MGST2: variants seen among roughly 807,000 people sequenced by gnomAD.
MGST2 encodes microsomal glutathione S-transferase 2.
In MGST2, 9 loss-of-function variants were observed where a neutral mutation model predicts 16.6. The observed-to-expected ratio is 0.54, with a 90% CI of 0.33 to 0.95. The LOEUF is 0.95. MGST2 is among the 40% of genes least tolerant of loss of function. The pLI, the probability that MGST2 is intolerant of heterozygous loss-of-function variation, is 0.03. For synonymous variants in MGST2, 79 were observed against 68.0 expected (o/e 1.16, Z -0.79); for missense variants, 159 against 175.1 (o/e 0.91, Z 0.52).
chr4:139,736,044 G>A (rs929985336), intron 5 of MGST2, among the ~76,000 whole-genome samples: 5 of 152,152 alleles, frequency 3.3e-5, no homozygotes, highest in Non-Finnish European at 7.4e-5. Context: ...GCAGGAAAGA[G>A]TAAAAATAAA....
intron 5 of MGST2, among the ~76,000 whole-genome samples, chr4:139,734,562 A>G (rs1728852644): frequency 6.6e-6 from 1 of 152,226 alleles, no homozygotes; most frequent in African/African-American, 2.4e-5. Flanking sequence ...CCTATTTTAC[A>G]TATCTTCCCC....
intron 5 of MGST2, chr4:139,719,262 GTTTC>G (rs1579354038): frequency 1.3e-6 from 2 of 1,507,234 alleles, no homozygotes; most frequent in East Asian, 2.3e-5. Flanking sequence ...TCAACATCCT[GTTTC>G]TTTTTCACTT....
intron 5 of MGST2, chr4:139,719,141 G>A: frequency 1.6e-6 from 1 of 638,122 alleles, no homozygotes; most frequent in Non-Finnish European, 2.6e-6. Context: ...GTGAAAATCA[G>A]GTGAAATGAG....
At chr4:139,709,076 T>A (rs1208250844), downstream of MGST2, among the ~76,000 whole-genome samples, 3 of 49,680 alleles carry the variant, frequency 6.0e-5, 1 homozygote, top group East Asian at 4.0e-4. Flanking sequence ...AAAAAATTTT[T>A]TTTTTTTTTT....
At chr4:139,706,322 C>G (rs746178615), downstream of MGST2, among the ~76,000 whole-genome samples, 1 of 152,144 alleles carries the variant, frequency 6.6e-6, no homozygotes, top group Non-Finnish European at 1.5e-5. Context: ...ACTCCAGAAC[C>G]AGACCACCCT....
At chr4:139,753,545 C>A in the MGST2 span, among the ~76,000 whole-genome samples, 1 of 152,060 alleles carries the variant, frequency 6.6e-6, no homozygotes, top group African/African-American at 2.4e-5. Context: ...CCTTTATAAC[C>A]TTGAGTCTAA....
At chr4:139,674,227 C>T (rs764835315) in intron 1 of MGST2, among the ~76,000 whole-genome samples, 12 of 152,186 alleles carry the variant, frequency 7.9e-5, no homozygotes, top group Non-Finnish European at 1.5e-4. Flanking sequence ...CATGAGACAT[C>T]AATTCATTTA....
chr4:139,737,273 C>G (rs1438676776), intron 5 of MGST2, among the ~76,000 whole-genome samples: 2 of 151,994 alleles, frequency 1.3e-5, no homozygotes, highest in Admixed American at 6.6e-5. Flanking sequence ...GCAAAACACT[C>G]TACTAGGGGC....
chr4:139,682,773 G>C (rs565768632), intron 2 of MGST2, among the ~76,000 whole-genome samples: 14 of 151,950 alleles, frequency 9.2e-5, no homozygotes, highest in African/African-American at 3.4e-4. Context: ...CCTTAGTTCA[G>C]CTAAAACTGG....
At chr4:139,669,616 G>C (rs1730561963) in intron 1 of MGST2, among the ~76,000 whole-genome samples, 2 of 152,240 alleles carry the variant, frequency 1.3e-5, no homozygotes, top group South Asian at 4.1e-4. Context: ...GAGAGGTAGA[G>C]ACAGGGTGAA....
rs946836520 is a variant in MGST2 at position 139,727,242 on chromosome 4, A to G, written c.*49-12970A>G. Among the ~76,000 whole-genome samples the G allele has an allele frequency of 5.9e-5, 9 of 152,348 alleles. No individual in the cohort carries two copies. In the East Asian group the frequency reaches 1.4e-3, roughly 23 times the overall value. On this transcript the variant is annotated intron_variant, in intron 5 of 5. Coordinates refer to the MGST2 transcript ENST00000616265. ...TTGACCCCATCCCATGGTTCCTACC[A>G]TAATGTTCTACAGAAAACTGTTGAA...
intron 5 of MGST2, among the ~76,000 whole-genome samples, chr4:139,723,912 A>C (rs1196944832): frequency 6.6e-6 from 1 of 152,206 alleles, no homozygotes; most frequent in East Asian, 1.9e-4. Context: ...TGAATCAGAA[A>C]CACTGTGTAT....
In MGST2 at chr4:139,666,032, T is replaced by C; in HGVS notation, c.13T>C (p.Ser5Pro). 1.2e-6 allele frequency: 2 copies of C among 1,614,132 alleles called. No homozygotes were observed. Among genetic ancestry groups the C allele is most frequent in the Non-Finnish European group, 1.7e-6 (2 of 1,180,030 alleles). The change falls in exon 1 of 5, where the codon TCG becomes CCG. Residue 5 changes from serine (S) to proline (P), a missense_variant. By Grantham distance (74) the Ser-to-Pro change is moderately conservative (BLOSUM62 -1). Transcript: ENST00000265498. ...TTCCGTGAGAAAGATGGCCGGGAAC[T>C]CGATCCTGCTGGCTGCTGTCTCTAT... MAGN[S>P]ILLAAVSILS...
At chr4:139,675,151 G>A (rs1371267388) in intron 1 of MGST2, among the ~76,000 whole-genome samples, 1 of 152,132 alleles carries the variant, frequency 6.6e-6, no homozygotes, top group Non-Finnish European at 1.5e-5. Flanking sequence ...GTCTTATTTG[G>A]GTGACTATTA....
At chr4:139,719,091 C>T (rs886816383) in intron 5 of MGST2, 1 of 508,754 alleles carries the variant, frequency 2.0e-6, no homozygotes, top group Non-Finnish European at 3.4e-6. Context: ...CTCCCTCTCT[C>T]GCAGCCGGGA....
rs772791196 is a variant in MGST2, at chr4:139,703,996, C to T, written c.312-20C>T. 12 of 1,614,056 alleles carry T rather than the reference C, an allele frequency of 7.4e-6. No individual in the cohort carries two copies. The South Asian group carries it at 1.3e-4, about 18-fold the overall frequency. On this transcript the variant is annotated intron_variant, in intron 4 of 4. Coordinates refer to ENST00000265498, the MANE Select transcript of MGST2 (RefSeq NM_002413.5). ...TTACAGTCCAGTTTGTCACTTTTCT[C>T]CCTCATGTCCACTCTGCAGGATCAC...
intron 2 of MGST2, among the ~76,000 whole-genome samples, chr4:139,693,969 T>C (rs1726769185): frequency 1.3e-5 from 2 of 152,194 alleles, no homozygotes; most frequent in African/African-American, 4.8e-5. Flanking sequence ...TTCAGGACTC[T>C]ACCTCAGCCA....
chr4:139,725,883 A>G, intron 5 of MGST2: 1 of 1,476,184 alleles, frequency 6.8e-7, no homozygotes, highest in South Asian at 1.1e-5. Context: ...ATAGGGAGCA[A>G]GCACACAATT....
At chr4:139,668,584 C>A (rs795597) in intron 1 of MGST2, among the ~76,000 whole-genome samples, 72,691 of 140,784 alleles carry the variant, frequency 0.52, 18,617 homozygotes, top group East Asian at 0.78. Context: ...AGGTGGGGTT[C>A]AAGAAAGACA....
Sources: allele counts gnomAD v4.1 joint callset (sites outside exome capture counted in the v4.1 genomes callset), GRCh38; gene constraint gnomAD v4.1.1; transcripts MANE v1.5; gene names NCBI Gene and HGNC (gene_info 2026-07-23, HGNC 2026-07-21).